DNM1L: variants seen among roughly 807,000 people sequenced by gnomAD.
DNM1L encodes dynamin 1L.
In DNM1L, 33 loss-of-function variants were observed where a neutral mutation model predicts 92.8. The observed-to-expected ratio is 0.36, with a 90% CI of 0.27 to 0.48. The LOEUF (loss-of-function observed/expected upper bound fraction) is 0.48, where lower values mean the gene tolerates loss of function less well. Among genes scored for constraint, DNM1L ranks in the 20% least tolerant of loss-of-function variants. DNM1L has a pLI of 0.99. For missense variants in DNM1L, 485 were observed against 888.8 expected (o/e 0.55, Z 5.78); for synonymous variants, 284 against 305.0 (o/e 0.93, Z 0.72).
chr12:32,737,713 A>C, intron 14 of DNM1L, 152 bp from the exon 15 acceptor site: 1 of 673,678 alleles, frequency 1.5e-6, no homozygotes, highest in Non-Finnish European at 2.7e-6. Context: ...GGTGAAGGAA[A>C]TAAGGCAGAA....
intron 1 of DNM1L, among the ~76,000 whole-genome samples, chr12:32,699,864 C>G (rs138259752): frequency 6.9e-6 from 1 of 145,326 alleles, no homozygotes; most frequent in Admixed American, 6.9e-5. Flanking sequence ...ATTGAACAAA[C>G]TGGTAACTCT....
chr12:32,701,269 T>TC, intron 1 of DNM1L, 146 bp from the exon 2 acceptor site: 1 of 677,170 alleles, frequency 1.5e-6, no homozygotes, highest in Non-Finnish European at 2.4e-6. Context: ...AGAGCGAAAC[T>TC]CCGTCTCAAA....
In DNM1L at chr12:32,701,266, A is replaced by G. The variant is rs11052192; in HGVS notation, c.103-149A>G. The G allele has an allele frequency of 0.13, 83,553 of 663,246 alleles. 5,819 individuals are homozygous for G. Among genetic ancestry groups the G allele is most frequent in the African/African-American group, 0.17 (9,053 of 54,218 alleles). 41.1% of individuals were successfully genotyped at this position (663,246 alleles called of 1,614,324 possible). On this transcript the variant is annotated intron_variant, in intron 1 of 19. Coordinates refer to ENST00000549701, the MANE Select transcript of DNM1L (RefSeq NM_012062.5). ...ACTCCAGCCTAGCCAACAAGAGCGA[A>G]ACTCCGTCTCAAAAAAAAAAAAAAA...
At position 32,718,824 on chromosome 12, in the gene DNM1L, T is replaced by C. The variant is rs535571282; in HGVS notation, c.740+61T>C. 1.5e-3 allele frequency: 2,395 copies of C among 1,603,982 alleles called. 1 individual carries two copies. The highest frequency in any genetic ancestry group is 2.0e-3 in the Non-Finnish European group (2,288 of 1,172,336). ...CATTCTTAGAATGGGATAAGCATTC[T>C]CACTTCAGAGCAAGTCTGAATTTCT... On this transcript the variant is annotated intron_variant, in intron 7 of 19. Transcript: ENST00000549701.
chr12:32,684,747 G>A (rs1951936860), intron 1 of DNM1L, among the ~76,000 whole-genome samples: 1 of 152,140 alleles, frequency 6.6e-6, no homozygotes, highest in Non-Finnish European at 1.5e-5. Context: ...GGGATTATAG[G>A]CATGAGCCAC....
chr12:32,730,876 T>C, intron 9 of DNM1L, 138 bp from the exon 10 acceptor site: 1 of 1,224,730 alleles, frequency 8.2e-7, no homozygotes, highest in South Asian at 1.3e-5. Context: ...GAACACATGG[T>C]AATGGGAATG....
intron 1 of DNM1L, 136 bp from the exon 2 acceptor site, chr12:32,701,276 CAAA>C (rs373760863): frequency 8.3e-4 from 494 of 594,366 alleles, no homozygotes; most frequent in Middle Eastern, 9.9e-4. Context: ...AACTCCGTCT[CAAA>C]AAAAAAAAAA....
intron 1 of DNM1L, among the ~76,000 whole-genome samples, chr12:32,690,036 C>A (rs1952174454): frequency 6.6e-6 from 1 of 152,190 alleles, no homozygotes; most frequent in Non-Finnish European, 1.5e-5. Context: ...ATTTTCAGAA[C>A]AAGCTAGCTG....
intron 1 of DNM1L, among the ~76,000 whole-genome samples, chr12:32,686,045 CTT>C (rs972264615): frequency 1.2e-5 from 1 of 82,684 alleles, no homozygotes; most frequent in Non-Finnish European, 2.2e-5. Context: ...TAAAATTAGC[CTT>C]TTTTTTTTTT....
intron 6 of DNM1L, among the ~76,000 whole-genome samples, chr12:32,714,270 ATTTT>A (rs764641583): frequency 7.4e-6 from 1 of 134,628 alleles, no homozygotes; most frequent in Non-Finnish European, 1.6e-5. Context: ...CACTTTAACA[ATTTT>A]TTTTTTTTTT....
rs1394690252 is a variant in DNM1L at position 32,720,714 on chromosome 12, A to G, written c.791A>G (p.Asp264Gly). Residue 264 changes from aspartate to glycine, a missense_variant, in exon 8 of 20, where the codon GAT (aspartate) becomes GGT (glycine). Around this residue, in one of 11 missense-constraint regions of DNM1L, gnomAD observed 159 missense variants for 275.9 expected, o/e 0.58. Transcript: ENST00000549701. ...AAGAGTGTAACTGATTCAATCCGTG[A>G]TGAGTATGCTTTTCTTCAAAAGAAA... ...NKKSVTDSIR[D>G]EYAFLQKKYP... 6.2e-7 allele frequency: 1 copy of G among 1,613,970 alleles called. No individual in the cohort carries two copies. Among genetic ancestry groups the G allele is most frequent in the Non-Finnish European group, 8.5e-7 (1 of 1,179,916 alleles).
At chr12:32,742,111 G>GTTTTTTTTTTTTTTTTT (rs1473399438) in intron 18 of DNM1L, among the ~76,000 whole-genome samples, 6 of 146,532 alleles carry the variant, frequency 4.1e-5, no homozygotes, top group African/African-American at 1.5e-4. Context: ...TGTTGCTTTT[G>GTTTTTTTTTTTTTTTTT]TTTTTTTTTT....
chr12:32,691,294 A>G (rs1952222864), intron 1 of DNM1L, among the ~76,000 whole-genome samples: 1 of 152,082 alleles, frequency 6.6e-6, no homozygotes, highest in East Asian at 1.9e-4. Flanking sequence ...GCTGGAGTGC[A>G]GAGGCGCGAT....
chr12:32,680,845 AAGTT>A (rs756625721), intron 1 of DNM1L, among the ~76,000 whole-genome samples: 19 of 152,182 alleles, frequency 1.2e-4, no homozygotes, highest in Non-Finnish European at 2.5e-4. Flanking sequence ...TTTTTGTAAA[AAGTT>A]AGAGATAATA....
chr12:32,737,615 A>G (rs1275844791), intron 14 of DNM1L: 1 of 479,880 alleles, frequency 2.1e-6, no homozygotes, highest in Non-Finnish European at 3.7e-6. Flanking sequence ...AAAGAATCTT[A>G]TTAAATACCA....
intron 1 of DNM1L, among the ~76,000 whole-genome samples, chr12:32,682,244 T>A (rs185113831): frequency 2.0e-4 from 30 of 151,950 alleles, no homozygotes; most frequent in African/African-American, 6.5e-4. Context: ...GTGATTCTCC[T>A]GCCTCAGCCT....
At chr12:32,738,963 A>G (rs1955095777) in intron 16 of DNM1L, among the ~76,000 whole-genome samples, 1 of 152,202 alleles carries the variant, frequency 6.6e-6, no homozygotes, top group African/African-American at 2.4e-5. Flanking sequence ...AACCATCTAA[A>G]TCACTGCACA....
Position 32,731,631 on chromosome 12 carries a change from C to T in DNM1L, c.1356+120C>T, listed in dbSNP as rs999961131. On this transcript the variant is annotated intron_variant, in intron 11 of 19. Transcript: ENST00000549701. The surrounding 1 kb of genome is among the most constrained non-coding windows in gnomAD (Gnocchi z 5.1). Reference sequence around the variant, plus strand: ...CAAGGTAAAATCTGTAGTTCCCTTACCTGAAAGTGATTTGAAATAGGATTC... The same window carrying T: ...CAAGGTAAAATCTGTAGTTCCCTTATCTGAAAGTGATTTGAAATAGGATTC... The T allele has an allele frequency of 7.0e-6, 9 of 1,288,938 alleles. No individual in the cohort carries two copies. In the African/African-American group the frequency reaches 1.3e-4, roughly 19 times the overall value. 79.8% of individuals were successfully genotyped at this position (1,288,938 alleles called of 1,614,324 possible).
chr12:32,737,422 A>T (rs1332731024), intron 14 of DNM1L: 1 of 460,940 alleles, frequency 2.2e-6, no homozygotes, highest in African/African-American at 2.0e-5. Flanking sequence ...TTTTAAAAAA[A>T]TTCAGTCAGT....
Sources: allele counts gnomAD v4.1 joint callset (sites outside exome capture counted in the v4.1 genomes callset), GRCh38; gene constraint gnomAD v4.1.1; regional missense constraint gnomAD v4.1.1; non-coding constraint Gnocchi (gnomAD v3.1); transcripts MANE v1.5; gene names NCBI Gene and HGNC (gene_info 2026-07-23, HGNC 2026-07-21).